Variants in GRIP2 observed in about 807,000 individuals in gnomAD.
The protein encoded by GRIP2 is glutamate receptor-interacting protein 2.
A neutral mutation model predicts 108.3 loss-of-function variants in GRIP2; 58 were observed. That is an observed-to-expected ratio of 0.54 (90% CI 0.43 to 0.67). The LOEUF (loss-of-function observed/expected upper bound fraction) is 0.67, where lower values mean the gene tolerates loss of function less well. Among genes scored for constraint, GRIP2 ranks in the 30% least tolerant of loss-of-function variants. GRIP2 has a pLI of 0.00. For missense variants in GRIP2, 1,278 were observed against 1,430.6 expected, an observed-to-expected ratio of 0.89 and a Z score of 1.72; for synonymous variants, 586 against 598.2, an observed-to-expected ratio of 0.98 and a Z score of 0.30.
chr3:14,597,432 ATTCTCGT>A, the GRIP2 span, among the ~76,000 whole-genome samples: 21 of 152,214 alleles, frequency 1.4e-4, no homozygotes, highest in African/African-American at 5.1e-4. Flanking sequence ...GCGAGGGGGA[ATTCTCGT>A]TTCCTTCCTC....
At chr3:14,545,110 G>A (rs1355462842), upstream of GRIP2, among the ~76,000 whole-genome samples, 2 of 152,358 alleles carry the variant, frequency 1.3e-5, no homozygotes, top group African/African-American at 2.4e-5. Flanking sequence ...CATGGCAGCC[G>A]TGTGGACAGG....
upstream of GRIP2, among the ~76,000 whole-genome samples, chr3:14,557,628 G>A (rs1695258468): frequency 6.6e-6 from 1 of 152,238 alleles, no homozygotes; most frequent in East Asian, 1.9e-4. Flanking sequence ...CACTTGAACG[G>A]CATCACCCAG....
At chr3:14,510,412 G>C (rs1274862512) in intron 16 of GRIP2, among the ~76,000 whole-genome samples, 1 of 151,860 alleles carries the variant, frequency 6.6e-6, no homozygotes, top group East Asian at 1.9e-4. Flanking sequence ...CTACAGGCAT[G>C]CACCACCAGA....
At chr3:14,585,061 G>A in the GRIP2 span, among the ~76,000 whole-genome samples, 1 of 152,230 alleles carries the variant, frequency 6.6e-6, no homozygotes, top group Admixed American at 6.5e-5. Context: ...GTCTCGCTCT[G>A]TTGCTGAGGC....
upstream of GRIP2, among the ~76,000 whole-genome samples, chr3:14,546,946 C>T (rs1695067581): frequency 6.6e-6 from 1 of 152,148 alleles, no homozygotes; most frequent in Admixed American, 6.5e-5. Flanking sequence ...CCAGTACCCT[C>T]ACTCCTGGAA....
the GRIP2 span, among the ~76,000 whole-genome samples, chr3:14,577,836 G>A: frequency 1.3e-5 from 2 of 152,204 alleles, no homozygotes; most frequent in African/African-American, 4.8e-5. Context: ...TGCTTAAACA[G>A]TGTCCCTCTG....
At chr3:14,540,666 T>A (rs1694950168), upstream of GRIP2, among the ~76,000 whole-genome samples, 1 of 152,090 alleles carries the variant, frequency 6.6e-6, no homozygotes, top group Non-Finnish European at 1.5e-5. This position sits in a 1 kb window ranked among gnomAD's most constrained non-coding sequence, Gnocchi z 4.1. Context: ...CATCAGTTTT[T>A]TCATCTGGAG....
At chr3:14,499,049 G>T (rs28568875) in intron 21 of GRIP2, among the ~76,000 whole-genome samples, 108 of 152,286 alleles carry the variant, frequency 7.1e-4, no homozygotes, top group African/African-American at 2.5e-3. Context: ...GCCCACAGGG[G>T]TACAAGAAAG....
chr3:14,531,939 C>T (rs541257413), intron 1 of GRIP2, among the ~76,000 whole-genome samples: 7 of 152,310 alleles, frequency 4.6e-5, no homozygotes, highest in African/African-American at 1.2e-4. Flanking sequence ...TCCGGGGCAC[C>T]TTCTGCTCCT....
In GRIP2 at chr3:14,512,370, A is replaced by G. The variant is rs1254726390; in HGVS notation, c.1720+407T>C. Among the ~76,000 whole-genome samples, 2 of 152,186 alleles carry G rather than the reference A, an allele frequency of 1.3e-5. No individual in the cohort carries two copies. The highest frequency in any genetic ancestry group is 2.9e-5 in the Non-Finnish European group (2 of 68,028). ...CACCCATTCTACGTTTTTCTTCTGC[A>G]TTCCTCATTTTCATTCCTTTGACAA... On this transcript the variant is annotated intron_variant, in intron 14 of 23. Transcript: ENST00000621039. This position sits in a 1 kb window ranked among gnomAD's most constrained non-coding sequence, Gnocchi z 5.1.
At chr3:14,596,459 A>G in the GRIP2 span, among the ~76,000 whole-genome samples, 6 of 152,154 alleles carry the variant, frequency 3.9e-5, no homozygotes, top group Non-Finnish European at 5.9e-5. Flanking sequence ...AGAAACCCAT[A>G]AGGCCCACAT....
intron 1 of GRIP2, among the ~76,000 whole-genome samples, chr3:14,552,768 T>C (rs1473967876): frequency 1.3e-5 from 2 of 152,066 alleles, no homozygotes; most frequent in East Asian, 1.9e-4. Flanking sequence ...AATTTTTGTA[T>C]TTTCAGTAGT....
At chr3:14,594,370 C>T in the GRIP2 span, among the ~76,000 whole-genome samples, 720 of 152,298 alleles carry the variant, frequency 4.7e-3, 6 homozygotes, top group African/African-American at 0.016. Context: ...AGAGCAGACT[C>T]GGGGCACGTG....
chr3:14,576,609 A>G, the GRIP2 span, among the ~76,000 whole-genome samples: 1 of 152,196 alleles, frequency 6.6e-6, no homozygotes, highest in South Asian at 2.1e-4. Context: ...GCAAGTAATG[A>G]TATCAGATAC....
intron 1 of GRIP2, among the ~76,000 whole-genome samples, chr3:14,527,869 C>A (rs932694247): frequency 3.3e-5 from 5 of 152,106 alleles, no homozygotes; most frequent in Non-Finnish European, 7.4e-5. Context: ...TCACTCCAGT[C>A]TGGGTGACAG....
intron 1 of GRIP2, among the ~76,000 whole-genome samples, chr3:14,555,045 G>T (rs1199908857): frequency 6.6e-6 from 1 of 151,988 alleles, no homozygotes; most frequent in Non-Finnish European, 1.5e-5. Context: ...GAAGCCTGGG[G>T]TCACACAGCC....
intron 2 of GRIP2, 134 bp downstream of exon 2, chr3:14,525,717 A>C (rs1287259909): frequency 3.8e-6 from 5 of 1,300,956 alleles, no homozygotes; most frequent in South Asian, 2.7e-5. Flanking sequence ...TTTACAGAGG[A>C]GAATCAGAGA....
rs79710699 is a variant in GRIP2, at chr3:14,492,475, T to C, written c.*1190A>G. ...AAGAGGGTCTCTGATTTGTGGACAC[T>C]GAGGACAATGATTTTAAGGGATGCT... On this transcript the variant is annotated 3_prime_UTR_variant, in exon 24 of 24. Coordinates refer to ENST00000621039, the MANE Select transcript of GRIP2 (RefSeq NM_001080423.4). The C allele has an allele frequency of 0.062, 9,475 of 152,280 alleles. 929 individuals carry two copies. The highest frequency in any genetic ancestry group is 0.21 in the African/African-American group (8,767 of 41,508). 9.4% of individuals were successfully genotyped at this position (152,280 alleles called of 1,614,324 possible).
chr3:14,552,996 C>A (rs575284625), intron 1 of GRIP2, among the ~76,000 whole-genome samples: 1 of 152,170 alleles, frequency 6.6e-6, no homozygotes, highest in Non-Finnish European at 1.5e-5. Flanking sequence ...AGCTCTACAG[C>A]CTTTCACCTC....
Sources: allele counts gnomAD v4.1 joint callset (sites outside exome capture counted in the v4.1 genomes callset), GRCh38; gene constraint gnomAD v4.1.1; non-coding constraint Gnocchi (gnomAD v3.1); transcripts MANE v1.5; gene names NCBI Gene and HGNC (gene_info 2026-07-23, HGNC 2026-07-21).